The following MAP7D2 variants were observed in gnomAD, a reference collection of about 807,000 sequenced individuals.
The protein encoded by MAP7D2 is MAP7 domain-containing protein 2.
In MAP7D2, 33 loss-of-function variants were observed where a neutral mutation model predicts 63.5. The ratio of observed to expected loss-of-function variants is 0.52; its 90% CI spans 0.39 to 0.70. MAP7D2 has a LOEUF of 0.70. Among genes scored for constraint, MAP7D2 ranks in the 30% least tolerant of loss-of-function variants. The probability of loss-of-function intolerance (pLI) is 0.00; values close to 1 mark genes in which losing one functional copy is unlikely to be tolerated. For synonymous variants in MAP7D2, 224 were observed against 223.7 expected, an observed-to-expected ratio of 1.00 and a Z score of -0.01; for missense variants, 626 against 604.0, an observed-to-expected ratio of 1.04 and a Z score of -0.38.
chrX:20,074,487 C>T (rs920520179), intron 1 of MAP7D2, among the ~76,000 whole-genome samples: 5 of 111,765 alleles, frequency 4.5e-5, no homozygotes, highest in East Asian at 5.6e-4. Context: ...TGTTTTTGTT[C>T]GGAAAGCATC....
chrX:20,116,876 C>A lies in MAP7D2; in HGVS notation c.4G>T (p.Glu2Ter). The A allele has an allele frequency of 8.9e-7, 1 of 1,129,117 alleles. No individual in the cohort carries two copies. The highest frequency in any genetic ancestry group is 2.1e-5 in the South Asian group (1 of 47,348). 93.1% of individuals were successfully genotyped at this position (1,129,117 alleles called of 1,213,427 possible). The change falls in exon 1 of 17, where the codon GAG (glutamate) becomes TAG (stop). Residue 2 changes from glutamate (E) to a stop codon, truncating the protein, a stop_gained. Transcript: ENST00000379643. LOFTEE classifies it high-confidence loss of function. ...GTCCCGGAGCCGCCGCCGCCGCGCT[C>A]CATCGGGATGCGCCGGCCGCACAGG... M[E>*]RGGGGSGTGS... is the part of the protein sequence containing the mutation.
intron 3 of MAP7D2, among the ~76,000 whole-genome samples, chrX:20,058,258 T>C (rs1300519715): frequency 8.9e-6 from 1 of 112,588 alleles, no homozygotes; most frequent in Non-Finnish European, 1.9e-5. Flanking sequence ...TTCTCTGCCA[T>C]GTGATGCCTG....
intron 4 of MAP7D2, among the ~76,000 whole-genome samples, chrX:20,054,233 A>T (rs1047994053): frequency 8.9e-6 from 1 of 112,334 alleles, no homozygotes; most frequent in Non-Finnish European, 1.9e-5. Context: ...TATGAGTTTT[A>T]ATACTCTTTT....
At chrX:20,044,834 A>G (rs1473637390) in intron 6 of MAP7D2, among the ~76,000 whole-genome samples, 1 of 111,160 alleles carries the variant, frequency 9.0e-6, no homozygotes, top group Non-Finnish European at 1.9e-5. Flanking sequence ...TTGTGCACAA[A>G]AGGGTTAACA....
intron 1 of MAP7D2, among the ~76,000 whole-genome samples, chrX:20,078,617 G>T (rs1329219283): frequency 8.9e-6 from 1 of 112,720 alleles, no homozygotes; most frequent in Non-Finnish European, 1.9e-5. Flanking sequence ...ACTTTTCTCA[G>T]CTGTTAAACA....
intron 1 of MAP7D2, among the ~76,000 whole-genome samples, chrX:20,107,644 T>C (rs757662928): frequency 9.0e-6 from 1 of 110,602 alleles, no homozygotes; most frequent in African/African-American, 3.3e-5. Context: ...ACTAAGTAAG[T>C]TGTATTATAT....
At chrX:20,106,689 T>G (rs753116400) in intron 1 of MAP7D2, among the ~76,000 whole-genome samples, 12 of 112,494 alleles carry the variant, frequency 1.1e-4, no homozygotes, top group South Asian at 3.6e-4. Flanking sequence ...AGACATGGAA[T>G]TTCAAAGACT....
chrX:20,092,121 T>G (rs1400396808), intron 1 of MAP7D2, among the ~76,000 whole-genome samples: 1 of 111,854 alleles, frequency 8.9e-6, no homozygotes, highest in African/African-American at 3.3e-5. Context: ...TCCCCAGTGT[T>G]AACCTGCTAA....
chrX:20,022,402 C>G (rs2073684469), intron 10 of MAP7D2, among the ~76,000 whole-genome samples: 1 of 111,184 alleles, frequency 9.0e-6, no homozygotes, highest in Non-Finnish European at 1.9e-5. Flanking sequence ...GACAGGAGAA[C>G]AATCACATTT....
chrX:20,082,453 G>C (rs937988561), intron 1 of MAP7D2, among the ~76,000 whole-genome samples: 2 of 111,529 alleles, frequency 1.8e-5, no homozygotes, highest in Non-Finnish European at 3.8e-5. Flanking sequence ...TAGAACCCCT[G>C]TTCCATTTCC....
At chrX:20,098,277 C>T (rs1327832784) in intron 1 of MAP7D2, among the ~76,000 whole-genome samples, 2 of 112,249 alleles carry the variant, frequency 1.8e-5, no homozygotes, top group African/African-American at 6.5e-5. Context: ...TAACCTGTGG[C>T]CAGGTCCTAT....
intron 6 of MAP7D2, among the ~76,000 whole-genome samples, chrX:20,045,400 T>C (rs1345805700): frequency 1.8e-5 from 2 of 108,191 alleles, no homozygotes; most frequent in African/African-American, 6.8e-5. Context: ...GGGGGCACAC[T>C]CCTGTAGTCC....
chrX:20,025,575 C>T, intron 9 of MAP7D2, 106 bp downstream of exon 9: 10 of 1,014,990 alleles, frequency 9.9e-6, no homozygotes, highest in Non-Finnish European at 1.3e-5. Flanking sequence ...TGCACTTGTC[C>T]CCAGAGAAAA....
intron 4 of MAP7D2, chrX:20,055,672 T>C: frequency 1.6e-6 from 1 of 643,393 alleles, no homozygotes; most frequent in African/African-American, 2.3e-5. Context: ...GACATGGTGA[T>C]GGGGGAGGAT....
intron 1 of MAP7D2, among the ~76,000 whole-genome samples, chrX:20,076,846 T>A (rs2065657103): frequency 8.9e-6 from 1 of 112,697 alleles, no homozygotes; most frequent in Admixed American, 9.4e-5. Context: ...CCCATAGGTT[T>A]CCTTTTAAAA....
intron 3 of MAP7D2, among the ~76,000 whole-genome samples, chrX:20,059,004 T>A (rs1216989568): frequency 8.9e-6 from 1 of 112,012 alleles, no homozygotes; most frequent in Admixed American, 9.5e-5. Flanking sequence ...TGACACTTTT[T>A]ATCCCTGTGA....
chrX:20,092,878 G>A (rs929116698), intron 1 of MAP7D2, among the ~76,000 whole-genome samples: 1 of 112,284 alleles, frequency 8.9e-6, no homozygotes, highest in Admixed American at 9.5e-5. Flanking sequence ...TCTGTTGATA[G>A]GAGGATCCAG....
rs910134250 is a variant in MAP7D2, at chrX:20,024,872, C to T, written c.1412+79G>A. 44 of 1,091,968 alleles carry T rather than the reference C, an allele frequency of 4.0e-5. No homozygotes were observed. In the African/African-American group the frequency reaches 5.9e-4, roughly 15 times the overall value. 90.0% of individuals were successfully genotyped at this position (1,091,968 alleles called of 1,213,427 possible). A position where few individuals can be genotyped will look rare whatever the true frequency, so the allele number is the denominator to read the frequency against. On this transcript the variant is annotated intron_variant, in intron 10 of 16. Coordinates refer to ENST00000379643, the MANE Select transcript of MAP7D2 (RefSeq NM_001168465.2). ...TGTTCAAGTTTTATCAATACCAACG[C>T]TGTAAAAAGAAAGGCAAGCTGCTCT...
At chrX:20,083,724 C>T (rs7064198) in intron 1 of MAP7D2, among the ~76,000 whole-genome samples, 32,518 of 111,059 alleles carry the variant, frequency 0.29, 4,857 homozygotes, top group African/African-American at 0.58. Context: ...TAGCAAGCTA[C>T]ACAATCCTTA....
Sources: gnomAD v4.1 joint callset for allele counts (sites outside exome capture counted in the v4.1 genomes callset) on GRCh38, gnomAD v4.1.1 for gene constraint, MANE v1.5 for transcripts, NCBI Gene and HGNC (gene_info 2026-07-23, HGNC 2026-07-21) for gene names.